UIMC1: variants seen among roughly 807,000 people sequenced by gnomAD.
UIMC1 encodes ubiquitin interaction motif containing 1, also known as BRCA1-A complex subunit RAP80.
A neutral mutation model predicts 84.9 loss-of-function variants in UIMC1; 42 were observed. That is an observed-to-expected ratio of 0.49 (90% CI 0.39 to 0.64). UIMC1 has a LOEUF of 0.64. Among genes scored for constraint, UIMC1 ranks in the 30% least tolerant of loss-of-function variants. The pLI, the probability that UIMC1 is intolerant of heterozygous loss-of-function variation, is 0.00. For missense variants in UIMC1, 825 were observed against 847.6 expected (o/e 0.97, Z 0.33); for synonymous variants, 281 against 293.0 (o/e 0.96, Z 0.42).
chr5:176,990,451 T>C (rs906689405), intron 1 of UIMC1, among the ~76,000 whole-genome samples: 2 of 152,146 alleles, frequency 1.3e-5, no homozygotes, highest in African/African-American at 4.8e-5. Context: ...CAGTCTAAGA[T>C]ATTCTGTTAT....
At chr5:176,953,495 T>TACACACACACACACACACACAC (rs137955830) in intron 8 of UIMC1, among the ~76,000 whole-genome samples, 1,455 of 136,922 alleles carry the variant, frequency 0.011, 40 homozygotes, top group African/African-American at 0.026. Context: ...ACTGGACACA[T>TACACACACACACACACACACAC]ACACACACAC....
chr5:177,004,273 G>A (rs1774963115), intron 1 of UIMC1, among the ~76,000 whole-genome samples: 1 of 152,136 alleles, frequency 6.6e-6, no homozygotes, highest in African/African-American at 2.4e-5. Flanking sequence ...GGATCAATAA[G>A]AAGCATTAAG....
At chr5:176,948,114 G>T (rs1030025048) in intron 9 of UIMC1, among the ~76,000 whole-genome samples, 1 of 152,088 alleles carries the variant, frequency 6.6e-6, no homozygotes, top group Non-Finnish European at 1.5e-5. Flanking sequence ...ACTAGCTCTG[G>T]AGGACTCTGA....
At chr5:176,988,223 G>A (rs1033748448) in intron 1 of UIMC1, among the ~76,000 whole-genome samples, 1 of 151,572 alleles carries the variant, frequency 6.6e-6, no homozygotes, top group African/African-American at 2.4e-5. Context: ...CCACTCTGAT[G>A]GCTGGCTATT....
intron 10 of UIMC1, among the ~76,000 whole-genome samples, chr5:176,932,518 C>T (rs1384645147): frequency 6.7e-6 from 1 of 150,134 alleles, no homozygotes; most frequent in Non-Finnish European, 1.5e-5. Context: ...GATAGATAGA[C>T]AGATAGACAG....
intron 1 of UIMC1, among the ~76,000 whole-genome samples, chr5:176,996,384 G>A (rs1187092459): frequency 6.6e-6 from 1 of 152,086 alleles, no homozygotes; most frequent in Non-Finnish European, 1.5e-5. Context: ...TATATACCTT[G>A]ATGAAAACTC....
chr5:176,948,740 T>C (rs1428763132), intron 9 of UIMC1, among the ~76,000 whole-genome samples: 2 of 152,214 alleles, frequency 1.3e-5, no homozygotes, highest in African/African-American at 4.8e-5. Flanking sequence ...TTGCACAACA[T>C]TCAAAACATG....
At position 176,941,273 on chromosome 5, in the gene UIMC1, C is replaced by T. The variant is rs1219652743; in HGVS notation, c.1597+2062G>A. 5.9e-5 allele frequency among the ~76,000 whole-genome samples: 9 copies of T among 152,072 alleles called. No homozygotes were observed. In the South Asian group the frequency reaches 8.3e-4, roughly 14 times the overall value. On this transcript the variant is annotated intron_variant, in intron 10 of 14. Transcript: ENST00000511320. ...AAATTTTACAGTCAGACCTCAACTA[C>T]GTCAAAAATTTATCTGCACATTGAA...
At chr5:176,999,425 C>CTCTTT (rs535168135) in intron 1 of UIMC1, among the ~76,000 whole-genome samples, 1,632 of 152,148 alleles carry the variant, frequency 0.011, 10 homozygotes, top group South Asian at 0.025. Flanking sequence ...TACAATTATA[C>CTCTTT]TATTTTAAAA....
At chr5:176,966,129 T>C (rs539658328) in intron 6 of UIMC1, among the ~76,000 whole-genome samples, 1 of 152,346 alleles carries the variant, frequency 6.6e-6, no homozygotes, top group East Asian at 1.9e-4. Flanking sequence ...TTCCAGAATG[T>C]GAATGAAGAT....
intron 10 of UIMC1, among the ~76,000 whole-genome samples, chr5:176,919,915 G>A (rs111949869): frequency 1.7e-4 from 26 of 152,076 alleles, no homozygotes; most frequent in Non-Finnish European, 1.8e-4. Flanking sequence ...TCTTAACTTC[G>A]TTCTTTTTCA....
intron 1 of UIMC1, among the ~76,000 whole-genome samples, chr5:177,000,659 C>G (rs536363856): frequency 6.6e-6 from 1 of 151,968 alleles, no homozygotes; most frequent in East Asian, 1.9e-4. Flanking sequence ...CACCACCACG[C>G]CCGGCTAATT....
chr5:177,000,277 G>A (rs76749525), intron 1 of UIMC1, among the ~76,000 whole-genome samples: 2 of 151,840 alleles, frequency 1.3e-5, no homozygotes, highest in African/African-American at 4.8e-5. Flanking sequence ...TTGAGGAAAC[G>A]CCAAACTGTT....
chr5:176,927,838 G>A (rs1168607477), intron 10 of UIMC1, among the ~76,000 whole-genome samples: 6 of 150,956 alleles, frequency 4.0e-5, no homozygotes, highest in Non-Finnish European at 5.9e-5. Context: ...CAAACCATGG[G>A]ATGGCCAGCC....
intron 6 of UIMC1, 31 bp from the exon 7 acceptor site, chr5:176,958,185 A>C: frequency 6.3e-7 from 1 of 1,587,472 alleles, no homozygotes; most frequent in Non-Finnish European, 8.6e-7. Flanking sequence ...TCTTAAATAT[A>C]CAGGCACAGG....
Position 176,982,617 on chromosome 5 carries a change from C to A in UIMC1, c.-2G>T. On this transcript the variant is annotated 5_prime_UTR_variant, in exon 2 of 15. In the 5' UTR this introduces an upstream ATG that the reference lacks. Coordinates refer to ENST00000511320, the MANE Select transcript of UIMC1 (RefSeq NM_001199298.2). ...AACTTTTTTCTTTCTCCGTGGCATCCTTTTGTCTAGAATAAAAGGACAATA... is the reference window on the plus strand; with the variant it reads ...AACTTTTTTCTTTCTCCGTGGCATCATTTTGTCTAGAATAAAAGGACAATA... The A allele has an allele frequency of 1.2e-6, 2 of 1,612,424 alleles. No individual in the cohort carries two copies. The highest frequency in any genetic ancestry group is 1.1e-5 in the South Asian group (1 of 90,818).
chr5:177,013,403 A>ACACAC (rs1561942062), intron 1 of UIMC1, among the ~76,000 whole-genome samples: 1 of 115,274 alleles, frequency 8.7e-6, no homozygotes, highest in African/African-American at 3.4e-5. Flanking sequence ...CACACACACA[A>ACACAC]AGATACTTTC....
At chr5:176,939,256 CAAAAAAAAAAAAAAAAGAAA>C (rs1460067263) in intron 10 of UIMC1, among the ~76,000 whole-genome samples, 1 of 71,886 alleles carries the variant, frequency 1.4e-5, no homozygotes, top group African/African-American at 5.1e-5. Context: ...GATCCTGTCT[CAAAAAAAAAAAAAAAAGAAA>C]AAAAAAGAAA....
At chr5:176,953,900 C>T (rs1452555248) in intron 8 of UIMC1, among the ~76,000 whole-genome samples, 8 of 151,984 alleles carry the variant, frequency 5.3e-5, no homozygotes, top group Non-Finnish European at 1.2e-4. Flanking sequence ...ATGTGTTTCA[C>T]CCATTTGGAA....
Sources: gnomAD v4.1 joint callset for allele counts (sites outside exome capture counted in the v4.1 genomes callset) on GRCh38, gnomAD v4.1.1 for gene constraint, MANE v1.5 for transcripts, NCBI Gene and HGNC (gene_info 2026-07-23, HGNC 2026-07-21) for gene names.